The following RSPO2 variants were observed in gnomAD, a reference collection of about 807,000 sequenced individuals.
RSPO2 encodes R-spondin 2, also known as R-spondin-2.
RSPO2 carries 14 observed loss-of-function variants against 30.9 expected under a neutral mutation model. That is an observed-to-expected ratio of 0.45 (90% CI 0.30 to 0.71). The LOEUF is 0.71. Ranked by LOEUF, RSPO2 falls within the 30% of genes least tolerant of loss-of-function variation. RSPO2 has a pLI of 0.08. For missense variants in RSPO2, 264 were observed against 301.9 expected (o/e 0.87, Z 0.93); for synonymous variants, 107 against 96.4 (o/e 1.11, Z -0.64).
At chr8:107,961,217 A>G (rs1363178493) in intron 3 of RSPO2, among the ~76,000 whole-genome samples, 1 of 152,206 alleles carries the variant, frequency 6.6e-6, no homozygotes, top group African/African-American at 2.4e-5. Flanking sequence ...GTTTGTGTAT[A>G]GTAAATGAGT....
At chr8:107,991,164 C>A (rs1814831700) in intron 2 of RSPO2, among the ~76,000 whole-genome samples, 1 of 151,872 alleles carries the variant, frequency 6.6e-6, no homozygotes, top group Non-Finnish European at 1.5e-5. Flanking sequence ...GGAGAACTGC[C>A]TGAACCTGGA....
At chr8:107,996,779 T>G (rs1815038901) in intron 2 of RSPO2, 1 of 310,832 alleles carries the variant, frequency 3.2e-6, no homozygotes, top group Non-Finnish European at 6.3e-6. Context: ...CCAACTTTCA[T>G]CTTGACCACA....
intron 2 of RSPO2, among the ~76,000 whole-genome samples, chr8:108,034,195 G>T (rs192074310): frequency 0.079 from 12,013 of 151,938 alleles, 675 homozygotes; most frequent in Non-Finnish European, 0.11. Flanking sequence ...GGTTCTGGGG[G>T]TTTTTTTTCC....
chr8:108,035,929 A>G (rs541804821), intron 2 of RSPO2, among the ~76,000 whole-genome samples: 17 of 152,336 alleles, frequency 1.1e-4, no homozygotes, highest in African/African-American at 4.1e-4. Flanking sequence ...ATGCTGGCTA[A>G]TAAAAACATT....
chr8:107,901,703 T>G (rs1440427361), intron 5 of RSPO2, among the ~76,000 whole-genome samples: 9 of 152,242 alleles, frequency 5.9e-5, no homozygotes, highest in Admixed American at 5.9e-4. Flanking sequence ...AAATGACATA[T>G]GTGCAATCCT....
rs1355278718 is a variant in RSPO2, at chr8:107,900,256, A to G, written c.*819T>C. The G allele has an allele frequency of 6.6e-6, 1 of 151,838 alleles. No homozygotes were observed. The highest frequency in any genetic ancestry group is 1.5e-5 in the Non-Finnish European group (1 of 68,006). The allele number at this position is 151,838 out of a possible 1,614,324, so 9.4% of individuals were successfully genotyped here. A position where few individuals can be genotyped will look rare whatever the true frequency, so the allele number is the denominator to read the frequency against. On this transcript the variant is annotated 3_prime_UTR_variant, in exon 6 of 6. Coordinates refer to ENST00000276659, the MANE Select transcript of RSPO2 (RefSeq NM_178565.5). ...TGGAGAAGGTCTACCCAATATGCAAACTCTTTGACACTGGTCATTTGACTC... is the reference window on the plus strand; with the variant it reads ...TGGAGAAGGTCTACCCAATATGCAAGCTCTTTGACACTGGTCATTTGACTC...
chr8:107,903,010 T>A (rs73700334), intron 5 of RSPO2, among the ~76,000 whole-genome samples: 20,423 of 152,052 alleles, frequency 0.13, 1,563 homozygotes, highest in Middle Eastern at 0.32. Flanking sequence ...GTTACAACTA[T>A]TTAGTAACAT....
chr8:108,036,104 T>C (rs1563573544), intron 2 of RSPO2, among the ~76,000 whole-genome samples: 1 of 152,162 alleles, frequency 6.6e-6, no homozygotes, highest in African/African-American at 2.4e-5. Flanking sequence ...ATTTCCTTCA[T>C]GCCAGGTAAA....
chr8:108,056,773 G>A (rs893404413), intron 2 of RSPO2, among the ~76,000 whole-genome samples: 1 of 151,148 alleles, frequency 6.6e-6, no homozygotes, highest in African/African-American at 2.4e-5. Flanking sequence ...AAAAAGATGT[G>A]GGCCAGGCAT....
At chr8:107,945,878 T>G (rs757593654) in intron 5 of RSPO2, among the ~76,000 whole-genome samples, 10 of 152,196 alleles carry the variant, frequency 6.6e-5, no homozygotes, top group Non-Finnish European at 1.2e-4. Context: ...TCCTGCCATT[T>G]TTAAAATTTA....
intron 2 of RSPO2, among the ~76,000 whole-genome samples, chr8:107,990,483 G>A (rs1814809800): frequency 6.6e-6 from 1 of 151,944 alleles, no homozygotes; most frequent in Non-Finnish European, 1.5e-5. Context: ...AAATACCTAG[G>A]AATACAGGTA....
At chr8:107,999,655 G>A (rs537717673) in intron 2 of RSPO2, among the ~76,000 whole-genome samples, 5 of 152,070 alleles carry the variant, frequency 3.3e-5, no homozygotes, top group Admixed American at 2.0e-4. Context: ...GGCTGGTCTC[G>A]AACTTCTGGC....
chr8:107,922,474 T>C lies in RSPO2; in HGVS notation c.617-21284A>G, dbSNP rs550727912. On this transcript the variant is annotated intron_variant, in intron 5 of 5. Coordinates refer to ENST00000276659, the MANE Select transcript of RSPO2 (RefSeq NM_178565.5). ...TAGAAAAATATTCCATGTTCATGGGTAGAATGGATAGGAATAATCAATATC... is the reference window on the plus strand; with the variant it reads ...TAGAAAAATATTCCATGTTCATGGGCAGAATGGATAGGAATAATCAATATC... Among the ~76,000 whole-genome samples the C allele has an allele frequency of 3.9e-5, 6 of 151,980 alleles. No individual in the cohort carries two copies. In the South Asian group the frequency reaches 1.2e-3, roughly 32 times the overall value.
chr8:108,040,748 G>T (rs1220100076), intron 2 of RSPO2, among the ~76,000 whole-genome samples: 1 of 152,118 alleles, frequency 6.6e-6, no homozygotes, highest in Non-Finnish European at 1.5e-5. Flanking sequence ...CAATAATCAT[G>T]GCTAAAATAT....
chr8:107,937,122 C>A (rs1415867284), intron 5 of RSPO2, among the ~76,000 whole-genome samples: 2 of 148,938 alleles, frequency 1.3e-5, no homozygotes, highest in African/African-American at 4.9e-5. Flanking sequence ...TGGTTTCAGG[C>A]CTTAGTTTAA....
At chr8:108,070,454 G>A (rs1043897090) in intron 2 of RSPO2, among the ~76,000 whole-genome samples, 96 of 151,688 alleles carry the variant, frequency 6.3e-4, no homozygotes, top group African/African-American at 2.0e-3. Flanking sequence ...CACCGCGCCC[G>A]GCTAATTTTT....
At chr8:108,016,191 G>C (rs975390499) in intron 2 of RSPO2, among the ~76,000 whole-genome samples, 1 of 152,170 alleles carries the variant, frequency 6.6e-6, no homozygotes, top group South Asian at 2.1e-4. Context: ...CTGGCATATA[G>C]GGTCTCAAAT....
chr8:108,034,120 C>T (rs1221777937), intron 2 of RSPO2, among the ~76,000 whole-genome samples: 1 of 152,024 alleles, frequency 6.6e-6, no homozygotes, highest in Non-Finnish European at 1.5e-5. Flanking sequence ...TCATAATGCT[C>T]CTAAGGACAG....
intron 2 of RSPO2, among the ~76,000 whole-genome samples, chr8:108,002,256 C>T (rs1421319002): frequency 1.3e-5 from 2 of 152,114 alleles, no homozygotes; most frequent in Non-Finnish European, 2.9e-5. Context: ...TGCAAAACCA[C>T]CACCCTCACA....
Sources: allele counts gnomAD v4.1 joint callset (sites outside exome capture counted in the v4.1 genomes callset), GRCh38; gene constraint gnomAD v4.1.1; transcripts MANE v1.5; gene names NCBI Gene and HGNC (gene_info 2026-07-23, HGNC 2026-07-21).